Variants in CAPRIN1 observed in about 807,000 individuals in gnomAD.
CAPRIN1 encodes caprin-1.
CAPRIN1 carries 29 observed loss-of-function variants against 100.9 expected under a neutral mutation model. The observed-to-expected ratio is 0.29, with a 90% confidence interval of 0.21 to 0.39. The LOEUF is 0.39. Ranked by LOEUF, CAPRIN1 falls within the 10% of genes least tolerant of loss-of-function variation. CAPRIN1 has a pLI of 1.00. For synonymous variants in CAPRIN1, 338 were observed against 307.5 expected (o/e 1.10, Z -1.04); for missense variants, 795 against 876.7 (o/e 0.91, Z 1.18).
In CAPRIN1 at chr11:34,093,113, A is replaced by G. The variant is rs957418133; in HGVS notation, c.1705+1057A>G. On this transcript the variant is annotated intron_variant, in intron 15 of 18. Transcript: ENST00000341394. The stretch of plus-strand genomic sequence containing the variant: ...CCAACTCCTTGCCTTGAGCGAACTT[A>G]TTGTCTCTGTCTCCCAGAGTGGTGG... Among the ~76,000 whole-genome samples, 4 of 149,288 alleles carry G rather than the reference A, an allele frequency of 2.7e-5. No individual in the cohort carries two copies. The East Asian group carries it at 7.9e-4, about 29-fold the overall frequency.
At chr11:34,054,682 C>T (rs1850410600) in intron 2 of CAPRIN1, among the ~76,000 whole-genome samples, 2 of 152,288 alleles carry the variant, frequency 1.3e-5, no homozygotes, top group Admixed American at 6.5e-5. Flanking sequence ...CCGCCTTGGT[C>T]TTCCAAAGTG....
At chr11:34,076,704 A>C in intron 6 of CAPRIN1, 62 bp downstream of exon 6, 2 of 1,097,006 alleles carry the variant, frequency 1.8e-6, no homozygotes, top group South Asian at 1.4e-5. Context: ...TAATTTTCTT[A>C]TGTTTATAGT....
intron 17 of CAPRIN1, 139 bp from the exon 18 acceptor site, chr11:34,097,559 A>G (rs1365044678): frequency 3.5e-6 from 3 of 852,874 alleles, no homozygotes; most frequent in Non-Finnish European, 5.6e-6. Context: ...TTACAGAACA[A>G]GGTGTAGCTG....
chr11:34,089,353 A>G, intron 11 of CAPRIN1, 42 bp from the exon 12 acceptor site: 1 of 1,269,218 alleles, frequency 7.9e-7, no homozygotes, highest in Non-Finnish European at 1.1e-6. Flanking sequence ...CTCTCTAAAA[A>G]TTTAATTTTG....
Position 34,086,045 on chromosome 11 carries a change from C to G in CAPRIN1, c.967-19C>G. 6.2e-7 allele frequency: 1 copy of G among 1,611,796 alleles called. No homozygotes were observed. Among genetic ancestry groups the G allele is most frequent in the Non-Finnish European group, 8.5e-7 (1 of 1,179,068 alleles). The stretch of plus-strand genomic sequence containing the variant: ...TTTTTGCTCTCCTATTCCTTCTAAT[C>G]CTTTTTTTTCTACCTTAGGTGGTAA... On this transcript the variant is annotated intron_variant, in intron 9 of 18. Transcript: ENST00000341394.
intron 9 of CAPRIN1, 118 bp downstream of exon 9, chr11:34,083,159 G>T: frequency 1.4e-6 from 1 of 697,394 alleles, no homozygotes; most frequent in African/African-American, 1.8e-5. Context: ...TATAATAACA[G>T]ACTCATTACA....
chr11:34,097,665 T>C, intron 17 of CAPRIN1, 33 bp from the exon 18 acceptor site: 1 of 1,613,416 alleles, frequency 6.2e-7, no homozygotes, highest in Non-Finnish European at 8.5e-7. Flanking sequence ...TTTTAAAAAG[T>C]ACCTTTTCAA....
At chr11:34,062,600 G>T (rs1850603867) in intron 2 of CAPRIN1, among the ~76,000 whole-genome samples, 2 of 142,344 alleles carry the variant, frequency 1.4e-5, no homozygotes, top group South Asian at 4.6e-4. Flanking sequence ...ACTCCAGCCT[G>T]GGCGACAGAG....
At chr11:34,085,125 T>C (rs1404002889) in intron 9 of CAPRIN1, among the ~76,000 whole-genome samples, 3 of 152,178 alleles carry the variant, frequency 2.0e-5, no homozygotes, top group Non-Finnish European at 2.9e-5. Flanking sequence ...TTGTCCAGTT[T>C]TAAATCCAGA....
At chr11:34,097,158 G>A in intron 16 of CAPRIN1, 38 bp from the exon 17 acceptor site, 1 of 1,419,326 alleles carries the variant, frequency 7.0e-7, no homozygotes, top group Non-Finnish European at 9.9e-7. Flanking sequence ...TCCTTGTGAA[G>A]ATAAGAAAAT....
At chr11:34,053,185 G>C (rs543173460) in intron 2 of CAPRIN1, 2 of 984,694 alleles carry the variant, frequency 2.0e-6, no homozygotes, top group South Asian at 9.3e-5. Flanking sequence ...AGAATCTTAA[G>C]GTAGAACTGC....
At chr11:34,091,822 G>A (rs1851270384) in intron 14 of CAPRIN1, 84 bp from the exon 15 acceptor site, 3 of 1,245,110 alleles carry the variant, frequency 2.4e-6, no homozygotes, top group Non-Finnish European at 3.4e-6. Flanking sequence ...ATTTATGTCT[G>A]AGGTAAAACC....
intron 4 of CAPRIN1, among the ~76,000 whole-genome samples, chr11:34,074,317 A>G (rs570765849): frequency 6.6e-6 from 1 of 151,870 alleles, no homozygotes; most frequent in African/African-American, 2.4e-5. Flanking sequence ...TAACACTGGT[A>G]TTTTCAGGAC....
intron 9 of CAPRIN1, among the ~76,000 whole-genome samples, chr11:34,084,833 A>G (rs572159150): frequency 2.6e-5 from 4 of 152,312 alleles, no homozygotes; most frequent in East Asian, 3.9e-4. Context: ...AAATATTGAC[A>G]TAGTAGGAAG....
Position 34,053,676 on chromosome 11 carries a change from A to G in CAPRIN1, c.216+1040A>G, listed in dbSNP as rs574105688. ...CTTGTAGATCAAACTACTGAGGTAT[A>G]TCTTCATCTGCAAGTCAGCCTTTTG... On this transcript the variant is annotated intron_variant, in intron 2 of 18. Coordinates refer to ENST00000341394, the MANE Select transcript of CAPRIN1 (RefSeq NM_005898.5). 9 of 151,834 alleles carry G rather than the reference A, an allele frequency of 5.9e-5. No homozygotes were observed. In the South Asian group the frequency reaches 1.7e-3, roughly 28 times the overall value. 9.4% of individuals were successfully genotyped at this position (151,834 alleles called of 1,614,324 possible). A position where few individuals can be genotyped will look rare whatever the true frequency, so the allele number is the denominator to read the frequency against.
chr11:34,093,927 C>CT (rs1851313633), intron 15 of CAPRIN1, among the ~76,000 whole-genome samples: 1 of 147,852 alleles, frequency 6.8e-6, no homozygotes, highest in African/African-American at 2.5e-5. Flanking sequence ...TTGCCGAAAA[C>CT]TTTCTCCCAC....
chr11:34,097,960 C>T, intron 18 of CAPRIN1, 199 bp downstream of exon 18: 3 of 1,325,962 alleles, frequency 2.3e-6, no homozygotes, highest in Non-Finnish European at 2.9e-6. Flanking sequence ...TTCCCTGTTA[C>T]TATATAAACT....
intron 15 of CAPRIN1, 71 bp downstream of exon 15, chr11:34,092,127 T>C (rs982471779): frequency 7.5e-6 from 11 of 1,473,584 alleles, no homozygotes; most frequent in Middle Eastern, 3.5e-4. Context: ...TAGGACAGTT[T>C]AGACTTCAGA....
At chr11:34,097,661 A>G (rs1222533532) in intron 17 of CAPRIN1, 37 bp from the exon 18 acceptor site, 7 of 1,612,950 alleles carry the variant, frequency 4.3e-6, no homozygotes, top group Non-Finnish European at 5.9e-6. Flanking sequence ...CATTTTTTAA[A>G]AAGTACCTTT....
Sources: gnomAD v4.1 joint callset for allele counts (sites outside exome capture counted in the v4.1 genomes callset) on GRCh38, gnomAD v4.1.1 for gene constraint, MANE v1.5 for transcripts, NCBI Gene and HGNC (gene_info 2026-07-23, HGNC 2026-07-21) for gene names.